SH3RF3: variants seen among roughly 807,000 people sequenced by gnomAD.
SH3RF3 encodes SH3 domain containing ring finger 3.
SH3RF3 carries 29 observed loss-of-function variants against 66.3 expected under a neutral mutation model. The ratio of observed to expected loss-of-function variants is 0.44; its 90% CI spans 0.33 to 0.60. SH3RF3 has a LOEUF of 0.60. Among genes scored for constraint, SH3RF3 ranks in the 20% least tolerant of loss-of-function variants. The pLI is 0.04. For synonymous variants in SH3RF3, 583 were observed against 532.0 expected, an observed-to-expected ratio of 1.10 and a Z score of -1.32; for missense variants, 1,194 against 1,190.9, an observed-to-expected ratio of 1.00 and a Z score of -0.04.
chr2:109,491,032 G>T, intron 9 of SH3RF3, 96 bp downstream of exon 9: 2 of 1,209,684 alleles, frequency 1.7e-6, no homozygotes, highest in Non-Finnish European at 2.2e-6. Context: ...TGGCCTTGCT[G>T]GGATTAGGTT....
intron 1 of SH3RF3, among the ~76,000 whole-genome samples, chr2:109,244,909 A>C (rs1679877106): frequency 6.6e-6 from 1 of 152,200 alleles, no homozygotes; most frequent in South Asian, 2.1e-4. Flanking sequence ...AGTTAGAAGC[A>C]AGACAAAGTT....
intron 9 of SH3RF3, among the ~76,000 whole-genome samples, chr2:109,493,602 C>G (rs1402089557): frequency 6.6e-6 from 1 of 150,568 alleles, no homozygotes; most frequent in Non-Finnish European, 1.5e-5. Context: ...ACACACAAAC[C>G]ACACACACTG....
At chr2:109,371,714 C>T in intron 3 of SH3RF3, 33 bp downstream of exon 3, 1 of 1,592,736 alleles carries the variant, frequency 6.3e-7, no homozygotes, top group Middle Eastern at 1.7e-4. Flanking sequence ...CACTTGGCTC[C>T]TTCTTGCCCA....
At chr2:109,302,298 A>T (rs957334614) in intron 1 of SH3RF3, among the ~76,000 whole-genome samples, 3 of 152,214 alleles carry the variant, frequency 2.0e-5, no homozygotes, top group Non-Finnish European at 4.4e-5. Flanking sequence ...GTAATCATCC[A>T]TAACAGCATA....
chr2:109,343,122 G>A (rs1388428918), intron 1 of SH3RF3, among the ~76,000 whole-genome samples: 1 of 152,142 alleles, frequency 6.6e-6, no homozygotes, highest in Non-Finnish European at 1.5e-5. Context: ...GGGTGTGGAG[G>A]CTGGGACATA....
intron 1 of SH3RF3, among the ~76,000 whole-genome samples, chr2:109,253,862 GTA>G (rs1680154312): frequency 6.6e-6 from 1 of 152,148 alleles, no homozygotes; most frequent in Non-Finnish European, 1.5e-5. Context: ...AAACCAGAAA[GTA>G]ATGTATGAGT....
rs142700611 is a variant in SH3RF3 at position 109,200,502 on chromosome 2, C to T, written c.573+70389C>T. 4.7e-3 allele frequency among the ~76,000 whole-genome samples: 714 copies of T among 152,216 alleles called. 5 individuals carry two copies. The highest frequency in any genetic ancestry group is 0.015 in the African/African-American group (630 of 41,520). On this transcript the variant is annotated intron_variant, in intron 1 of 9. Transcript: ENST00000309415. ...AGTCCCCTGTGTCCTGCTCAGTCGGCGGGTCCAAGCCTCCGACTCTGCCCT... is the reference window on the plus strand; with the variant it reads ...AGTCCCCTGTGTCCTGCTCAGTCGGTGGGTCCAAGCCTCCGACTCTGCCCT...
intron 1 of SH3RF3, among the ~76,000 whole-genome samples, chr2:109,203,865 C>T (rs959333590): frequency 2.6e-5 from 4 of 152,204 alleles, no homozygotes; most frequent in African/African-American, 7.2e-5. Context: ...TACCCCTGGG[C>T]CCTTCTTGTT....
chr2:109,143,242 TAAA>T lies in SH3RF3; in HGVS notation c.573+13132_573+13134del, dbSNP rs569453192. 9.5e-4 allele frequency among the ~76,000 whole-genome samples: 145 copies of T among 152,246 alleles called. 1 individual carries two copies. The South Asian group carries it at 0.013, about 14-fold the overall frequency. Reference sequence around the variant, plus strand: ...AATTTCATTTGGAAACAAATTTAAATAAAAAGTGAGTCAATTTAAAGGAACTCA... The same window carrying T: ...AATTTCATTTGGAAACAAATTTAAATAAGTGAGTCAATTTAAAGGAACTCA... On this transcript the variant is annotated intron_variant, in intron 1 of 9. Coordinates refer to ENST00000309415, the MANE Select transcript of SH3RF3 (RefSeq NM_001099289.3).
At chr2:109,325,091 G>A (rs1181295343) in intron 1 of SH3RF3, among the ~76,000 whole-genome samples, 1 of 152,124 alleles carries the variant, frequency 6.6e-6, no homozygotes, top group African/African-American at 2.4e-5. Context: ...AGGATGCCAT[G>A]GCTCTGACAA....
intron 1 of SH3RF3, among the ~76,000 whole-genome samples, chr2:109,237,668 C>T (rs373058131): frequency 9.2e-5 from 14 of 152,162 alleles, no homozygotes; most frequent in Non-Finnish European, 2.1e-4. Flanking sequence ...AGGCCCAAGA[C>T]GGTTCTTCCA....
At chr2:109,439,006 C>T (rs1351443691) in intron 7 of SH3RF3, among the ~76,000 whole-genome samples, 1 of 152,166 alleles carries the variant, frequency 6.6e-6, no homozygotes, top group East Asian at 1.9e-4. Flanking sequence ...GTGCAGTGGC[C>T]CTGGGTTGTC....
At chr2:109,328,893 G>T (rs1156625885) in intron 1 of SH3RF3, among the ~76,000 whole-genome samples, 1 of 152,150 alleles carries the variant, frequency 6.6e-6, no homozygotes, top group Non-Finnish European at 1.5e-5. Flanking sequence ...CCTTCTCCAT[G>T]CTCTGAGCAG....
Position 109,332,822 on chromosome 2 carries a change from G to A in SH3RF3, c.574-14852G>A, listed in dbSNP as rs149985131. Among the ~76,000 whole-genome samples, 872 of 152,324 alleles carry A rather than the reference G, an allele frequency of 5.7e-3. 9 individuals are homozygous for A. Among genetic ancestry groups the A allele is most frequent in the African/African-American group, 0.02 (834 of 41,548 alleles). ...AGGACTCGGAATCACCCTTTTTAAC[G>A]TGCACAGTATGTTAATTGTGTCCTC... On this transcript the variant is annotated intron_variant, in intron 1 of 9. Coordinates refer to ENST00000309415, the MANE Select transcript of SH3RF3 (RefSeq NM_001099289.3).
At chr2:109,400,690 A>ATACT (rs1559063392) in intron 4 of SH3RF3, among the ~76,000 whole-genome samples, 3 of 151,720 alleles carry the variant, frequency 2.0e-5, no homozygotes, top group Non-Finnish European at 4.4e-5. Flanking sequence ...TGGTGGATAC[A>ATACT]CACCTGCACG....
Position 109,215,946 on chromosome 2 carries a change from A to G in SH3RF3, c.573+85833A>G, listed in dbSNP as rs114945925. 2.6e-3 allele frequency among the ~76,000 whole-genome samples: 400 copies of G among 152,310 alleles called. 2 individuals carry two copies. Among genetic ancestry groups the G allele is most frequent in the African/African-American group, 9.3e-3 (385 of 41,562 alleles). On this transcript the variant is annotated intron_variant, in intron 1 of 9. Coordinates refer to ENST00000309415, the MANE Select transcript of SH3RF3 (RefSeq NM_001099289.3). ...CTGGGCTTCTACCGTGCCAGCGGCC[A>G]CGTGAGCTGGGTGCCCATGTCCCAT...
intron 1 of SH3RF3, among the ~76,000 whole-genome samples, chr2:109,296,399 T>TTGTG (rs1254440324): frequency 6.6e-6 from 1 of 151,684 alleles, no homozygotes. Flanking sequence ...AGTTTTTTTT[T>TTGTG]TGTGTGTGTG....
intron 1 of SH3RF3, among the ~76,000 whole-genome samples, chr2:109,182,912 A>G (rs1419582634): frequency 6.6e-6 from 1 of 152,166 alleles, no homozygotes; most frequent in East Asian, 1.9e-4. Context: ...TATTTCATAA[A>G]ATAACTTAAA....
chr2:109,213,960 C>A (rs2105119266), intron 1 of SH3RF3, among the ~76,000 whole-genome samples: 1 of 152,318 alleles, frequency 6.6e-6, no homozygotes, highest in East Asian at 1.9e-4. Flanking sequence ...AGGCCTGGAG[C>A]AGTCCCTGCA....
Sources: gnomAD v4.1 joint callset for allele counts (sites outside exome capture counted in the v4.1 genomes callset) on GRCh38, gnomAD v4.1.1 for gene constraint, MANE v1.5 for transcripts, NCBI Gene and HGNC (gene_info 2026-07-23, HGNC 2026-07-21) for gene names.